Variants in CAPN1 observed in about 807,000 individuals in gnomAD.
The protein encoded by CAPN1 is calpain-1 catalytic subunit.
In CAPN1, 77 loss-of-function variants were observed where a neutral mutation model predicts 105.2. The observed-to-expected ratio is 0.73, with a 90% CI of 0.61 to 0.88. The LOEUF is 0.88. CAPN1 is among the 40% of genes least tolerant of loss of function. CAPN1 has a pLI of 0.00. For synonymous variants in CAPN1, 355 were observed against 388.8 expected, an observed-to-expected ratio of 0.91 and a Z score of 1.02; for missense variants, 833 against 976.6, an observed-to-expected ratio of 0.85 and a Z score of 1.96.
rs767110140 is a variant in CAPN1, at chr11:65,183,428, G to C, written c.338-46G>C. The C allele has an allele frequency of 4.2e-6, 6 of 1,436,564 alleles. No individual in the cohort carries two copies. In the South Asian group the frequency reaches 6.9e-5, roughly 17 times the overall value. 89.0% of individuals were successfully genotyped at this position (1,436,564 alleles called of 1,614,324 possible). A position where few individuals can be genotyped will look rare whatever the true frequency, so the allele number is the denominator to read the frequency against. ...CTCCCTAGCACCCGCTTCCCCCCCC[G>C]GGGCAGGTTGGTAGAGCAGGCTAAT... On this transcript the variant is annotated intron_variant, in intron 3 of 21. Transcript: ENST00000279247.
chr11:65,201,732 A>C (rs1175038176), intron 10 of CAPN1, among the ~76,000 whole-genome samples: 10 of 151,060 alleles, frequency 6.6e-5, no homozygotes, highest in Non-Finnish European at 1.3e-4. Context: ...GTTAGCCAGG[A>C]TGGTCTCGAT....
intron 10 of CAPN1, among the ~76,000 whole-genome samples, chr11:65,194,599 C>G (rs913104506): frequency 1.3e-5 from 2 of 152,054 alleles, no homozygotes; most frequent in Non-Finnish European, 2.9e-5. Flanking sequence ...ATCCCTTTCT[C>G]CCTAGCAACC....
rs867424573 is a variant in CAPN1, at chr11:65,210,861, G to A, written c.2107G>A (p.Asp703Asn). The change falls in exon 21 of 22, where the codon GAC becomes AAC. Residue 703 changes from aspartate (D) to asparagine (N), a missense_variant. Asp to Asn is a conservative substitution (Grantham distance 23, BLOSUM62 1). Transcript: ENST00000279247. This position sits in a 1 kb window ranked among gnomAD's most constrained non-coding sequence, Gnocchi z 4.3. The part of the protein sequence containing the change: ...DTDLDGVVTF[D>N]LFKWLQLTMF... ...AGATCTGGATGGAGTTGTGACCTTT[G>A]ACTTGTTTAAGGTGGGAACCTCCCT... The A allele has an allele frequency of 1.9e-6, 3 of 1,613,278 alleles. No homozygotes were observed. Among genetic ancestry groups the A allele is most frequent in the Middle Eastern group, 3.3e-4 (2 of 6,060 alleles).
At chr11:65,202,117 G>A (rs892397071) in intron 10 of CAPN1, among the ~76,000 whole-genome samples, 8 of 151,886 alleles carry the variant, frequency 5.3e-5, no homozygotes, top group East Asian at 3.9e-4. Flanking sequence ...GAGCCACTGC[G>A]CCCAGCCTAA....
intron 10 of CAPN1, among the ~76,000 whole-genome samples, chr11:65,192,696 C>T (rs74740057): frequency 0.013 from 1,951 of 151,544 alleles, 52 homozygotes; most frequent in African/African-American, 0.046. Context: ...ACTGCAACCT[C>T]GAACTCCTGA....
chr11:65,183,077 C>T (rs1734596013), intron 2 of CAPN1, 51 bp from the exon 3 acceptor site: 3 of 1,610,704 alleles, frequency 1.9e-6, no homozygotes, highest in Non-Finnish European at 2.5e-6. Flanking sequence ...TGGCCTGGTG[C>T]CAATTTCTGG....
intron 10 of CAPN1, among the ~76,000 whole-genome samples, chr11:65,195,099 GGTT>G (rs202131626): frequency 4.1e-5 from 5 of 121,826 alleles, no homozygotes; most frequent in Admixed American, 1.6e-4. Context: ...AGTTTTTTGG[GGTT>G]TTTTTTTTTT....
At chr11:65,204,462 C>A (rs752307595) in intron 10 of CAPN1, among the ~76,000 whole-genome samples, 7 of 152,204 alleles carry the variant, frequency 4.6e-5, no homozygotes, top group Non-Finnish European at 1.0e-4. Flanking sequence ...GCTCGCTAAC[C>A]TAACGGACTT....
At chr11:65,181,599 C>T (rs942285667), upstream of CAPN1, 12 of 414,584 alleles carry the variant, frequency 2.9e-5, no homozygotes, top group African/African-American at 2.6e-4. This position sits in a 1 kb window ranked among gnomAD's most constrained non-coding sequence, Gnocchi z 4.6. Context: ...GAGCTGCTGC[C>T]CCTGGTTAAA....
rs1452854849 is a variant in CAPN1 at position 65,208,868 on chromosome 11, G to A, written c.1730-455G>A. ...CCTGGGCCAGGCTGAGTGGCTTGGG[G>A]AACACCACGTGACTGGCTTCACTCC... On this transcript the variant is annotated intron_variant, in intron 16 of 21. Coordinates refer to ENST00000279247, the MANE Select transcript of CAPN1 (RefSeq NM_005186.4). The surrounding 1 kb of genome is among the most constrained non-coding windows in gnomAD (Gnocchi z 4.1). The A allele has an allele frequency of 4.2e-6, 1 of 235,438 alleles. No individual in the cohort carries two copies. The allele number at this position is 235,438 out of a possible 1,614,324, so 14.6% of individuals were successfully genotyped here.
chr11:65,194,858 T>G (rs913530561), intron 10 of CAPN1, among the ~76,000 whole-genome samples: 1 of 152,198 alleles, frequency 6.6e-6, no homozygotes, highest in Admixed American at 6.5e-5. Context: ...TTTCAACATA[T>G]GTTTTCAGTT....
At chr11:65,186,640 G>T (rs542793719) in intron 6 of CAPN1, among the ~76,000 whole-genome samples, 1 of 152,100 alleles carries the variant, frequency 6.6e-6, no homozygotes, top group South Asian at 2.1e-4. Context: ...CCTCTGTCCA[G>T]TTCACCAGCC....
intron 12 of CAPN1, chr11:65,206,070 C>CCCT: frequency 2.0e-6 from 1 of 512,504 alleles, no homozygotes. Flanking sequence ...GAGTTCTGTA[C>CCCT]CCTTGAGCAG....
chr11:65,209,769 G>A lies in CAPN1; in HGVS notation c.1795-80G>A. On this transcript the variant is annotated intron_variant, in intron 17 of 21. Coordinates refer to ENST00000279247, the MANE Select transcript of CAPN1 (RefSeq NM_005186.4). This position sits in a 1 kb window ranked among gnomAD's most constrained non-coding sequence, Gnocchi z 4.1. ...CCCAAGTCGACTTGCCGGCTCGGCGGCCATCTCCCCTTCTGCACAGTTGCC... is the reference window on the plus strand; with the variant it reads ...CCCAAGTCGACTTGCCGGCTCGGCGACCATCTCCCCTTCTGCACAGTTGCC... 1.4e-6 allele frequency: 2 copies of A among 1,410,950 alleles called. No homozygotes were observed. The highest frequency in any genetic ancestry group is 2.0e-6 in the Non-Finnish European group (2 of 1,015,884). 87.4% of individuals were successfully genotyped at this position (1,410,950 alleles called of 1,614,324 possible). A position where few individuals can be genotyped will look rare whatever the true frequency, so the allele number is the denominator to read the frequency against.
At chr11:65,190,939 A>T (rs1440959177) in intron 10 of CAPN1, among the ~76,000 whole-genome samples, 1 of 152,004 alleles carries the variant, frequency 6.6e-6, no homozygotes, top group Non-Finnish European at 1.5e-5. Flanking sequence ...TTTCAAACTC[A>T]AGTGATCCAC....
At position 65,209,088 on chromosome 11, in the gene CAPN1, A is replaced by G; in HGVS notation, c.1730-235A>G. The G allele has an allele frequency of 1.7e-6, 1 of 576,890 alleles. No homozygotes were observed. The highest frequency in any genetic ancestry group is 2.9e-5 in the East Asian group (1 of 34,608). 35.7% of individuals were successfully genotyped at this position (576,890 alleles called of 1,614,324 possible). ...CCAATTTCTCGCTCTTCTGTTTCACACTCATTTCTTTTTACTTTGGACTAA... is the reference window on the plus strand; with the variant it reads ...CCAATTTCTCGCTCTTCTGTTTCACGCTCATTTCTTTTTACTTTGGACTAA... On this transcript the variant is annotated intron_variant, in intron 16 of 21. Transcript: ENST00000279247. This position sits in a 1 kb window ranked among gnomAD's most constrained non-coding sequence, Gnocchi z 4.1.
chr11:65,211,228 C>T (rs770404397), intron 21 of CAPN1, 32 bp from the exon 22 acceptor site: 67 of 1,610,808 alleles, frequency 4.2e-5, no homozygotes, highest in South Asian at 4.0e-4. Flanking sequence ...GCCATTTCTG[C>T]GGCCCCAGCT....
At chr11:65,181,735 C>T (rs908122720), upstream of CAPN1, 7 of 251,416 alleles carry the variant, frequency 2.8e-5, 1 homozygote, top group East Asian at 9.0e-4. The surrounding 1 kb of genome is among the most constrained non-coding windows in gnomAD (Gnocchi z 4.6). Flanking sequence ...AATTTGTCCT[C>T]TCGCGGAATT....
chr11:65,199,679 C>CT (rs1293747488), intron 10 of CAPN1, among the ~76,000 whole-genome samples: 1 of 152,116 alleles, frequency 6.6e-6, no homozygotes, highest in African/African-American at 2.4e-5. Context: ...CACTAATTTT[C>CT]TTTTTTGCTC....
Sources: gnomAD v4.1 joint callset for allele counts (sites outside exome capture counted in the v4.1 genomes callset) on GRCh38, gnomAD v4.1.1 for gene constraint, Gnocchi (gnomAD v3.1) non-coding constraint, MANE v1.5 for transcripts, NCBI Gene and HGNC (gene_info 2026-07-23, HGNC 2026-07-21) for gene names.